The following ZNRF2 variants were observed in gnomAD, a reference collection of about 807,000 sequenced individuals.
The protein encoded by ZNRF2 is E3 ubiquitin-protein ligase ZNRF2.
A neutral mutation model predicts 20.4 loss-of-function variants in ZNRF2; 16 were observed. The ratio of observed to expected loss-of-function variants is 0.79; its 90% confidence interval spans 0.53 to 1.19. The LOEUF (loss-of-function observed/expected upper bound fraction) is 1.19, where lower values mean the gene tolerates loss of function less well. Ranked by LOEUF, ZNRF2 falls within the 50% of genes most tolerant of loss-of-function variation. The probability of loss-of-function intolerance (pLI) is 0.00; values close to 1 mark genes in which losing one functional copy is unlikely to be tolerated. For missense variants in ZNRF2, 363 were observed against 332.4 expected (o/e 1.09, Z -0.72); for synonymous variants, 178 against 144.9 (o/e 1.23, Z -1.64).
At chr7:30,301,240 T>C (rs1196696455) in intron 1 of ZNRF2, among the ~76,000 whole-genome samples, 1 of 152,092 alleles carries the variant, frequency 6.6e-6, no homozygotes, top group African/African-American at 2.4e-5. Flanking sequence ...CCTACCACTT[T>C]GGGAGGCAGA....
At chr7:30,301,699 TTAAAAA>T (rs1331242649) in intron 1 of ZNRF2, among the ~76,000 whole-genome samples, 2 of 126,312 alleles carry the variant, frequency 1.6e-5, no homozygotes, top group East Asian at 2.1e-4. Context: ...GAGGCTTTTT[TTAAAAA>T]AAAAAAAAAA....
chr7:30,318,175 G>A (rs1326975667), intron 1 of ZNRF2, among the ~76,000 whole-genome samples: 3 of 152,148 alleles, frequency 2.0e-5, no homozygotes, highest in East Asian at 3.8e-4. Flanking sequence ...CGATGACATA[G>A]GAGGGAGGTT....
intron 1 of ZNRF2, among the ~76,000 whole-genome samples, chr7:30,304,259 T>C (rs944295830): frequency 2.0e-5 from 3 of 152,156 alleles, no homozygotes; most frequent in African/African-American, 7.2e-5. Context: ...TGCTGGATTT[T>C]GAGTTGTTTT....
intron 1 of ZNRF2, among the ~76,000 whole-genome samples, chr7:30,313,411 T>C (rs1799320157): frequency 6.6e-6 from 1 of 152,190 alleles, no homozygotes; most frequent in Non-Finnish European, 1.5e-5. Context: ...GTGGGCATTA[T>C]ACATGTGAGA....
At chr7:30,359,433 G>A (rs1167796207) in intron 3 of ZNRF2, among the ~76,000 whole-genome samples, 1 of 152,206 alleles carries the variant, frequency 6.6e-6, no homozygotes, top group African/African-American at 2.4e-5. Context: ...CTGTAATGCA[G>A]TGAACTCATT....
At chr7:30,323,377 T>C (rs900835471) in intron 1 of ZNRF2, among the ~76,000 whole-genome samples, 1 of 152,188 alleles carries the variant, frequency 6.6e-6, no homozygotes, top group Non-Finnish European at 1.5e-5. Flanking sequence ...GACCAGTACA[T>C]CAGAGAGAGA....
At chr7:30,362,899 C>T (rs1263035133) in intron 4 of ZNRF2, among the ~76,000 whole-genome samples, 2 of 152,052 alleles carry the variant, frequency 1.3e-5, no homozygotes, top group Non-Finnish European at 2.9e-5. Context: ...GGGCGGGTCA[C>T]GAGGTCAGGA....
At chr7:30,300,253 A>G (rs138469266) in intron 1 of ZNRF2, among the ~76,000 whole-genome samples, 231 of 151,310 alleles carry the variant, frequency 1.5e-3, no homozygotes, top group African/African-American at 5.1e-3. Context: ...GGTTCAAGCA[A>G]TTCTTTTGCC....
chr7:30,317,598 A>G (rs1799397580), intron 1 of ZNRF2, among the ~76,000 whole-genome samples: 1 of 151,956 alleles, frequency 6.6e-6, no homozygotes. Context: ...ATAGTGGGAA[A>G]TAGTGGGAAA....
intron 3 of ZNRF2, among the ~76,000 whole-genome samples, chr7:30,356,246 C>G (rs1800036175): frequency 6.6e-6 from 1 of 151,260 alleles, no homozygotes; most frequent in Admixed American, 6.6e-5. Context: ...CTCATATGGT[C>G]TTCTTGCTTT....
chr7:30,286,046 C>T (rs902708312), intron 1 of ZNRF2, among the ~76,000 whole-genome samples: 1 of 152,232 alleles, frequency 6.6e-6, no homozygotes, highest in African/African-American at 2.4e-5. Context: ...TTTAAACATC[C>T]TGAGCACCCT....
chr7:30,325,678 A>AGCCACC (rs948812015), intron 2 of ZNRF2, among the ~76,000 whole-genome samples: 22 of 152,172 alleles, frequency 1.4e-4, no homozygotes, highest in Middle Eastern at 3.2e-3. Flanking sequence ...GTGGTGCTTC[A>AGCCACC]GCCACCCTAT....
chr7:30,311,566 C>CT (rs1799293029), intron 1 of ZNRF2, among the ~76,000 whole-genome samples: 1 of 152,270 alleles, frequency 6.6e-6, no homozygotes, highest in African/African-American at 2.4e-5. Flanking sequence ...TTTTGTCAGA[C>CT]TAACTGCAGA....
Position 30,285,539 on chromosome 7 carries a change from C to A in ZNRF2, c.182C>A (p.Ala61Asp). The change falls in exon 1 of 5, where the codon GCC becomes GAC. Residue 61 changes from alanine (A) to aspartate (D), a missense_variant. Around this residue, in one of 2 missense-constraint regions of ZNRF2, gnomAD observed 302 missense variants for 231.5 expected, o/e 1.30. Transcript: ENST00000323037. The stretch of plus-strand genomic sequence containing the variant: ...GTGCCCAGCGCGCACCAGCCCAGCG[C>A]CTCCGGCGGCGCCGCGGCGGCCGCG... ...AQVPSAHQPS[A>D]SGGAAAAAAA... 2.0e-6 allele frequency: 2 copies of A among 981,846 alleles called. No homozygotes were observed. Among genetic ancestry groups the A allele is most frequent in the Non-Finnish European group, 2.4e-6 (2 of 829,692 alleles). The allele number at this position is 981,846 out of a possible 1,614,324, so 60.8% of individuals were successfully genotyped here. A position where few individuals can be genotyped will look rare whatever the true frequency, so the allele number is the denominator to read the frequency against.
chr7:30,301,566 G>T (rs1799114611), intron 1 of ZNRF2, among the ~76,000 whole-genome samples: 1 of 151,992 alleles, frequency 6.6e-6, no homozygotes, highest in Admixed American at 6.5e-5. Flanking sequence ...ATTCACTTTT[G>T]ATACATTAAA....
chr7:30,348,650 C>T (rs957865530), intron 2 of ZNRF2, among the ~76,000 whole-genome samples: 1 of 152,166 alleles, frequency 6.6e-6, no homozygotes. Context: ...GCATTCTACT[C>T]GTAAAAGCAG....
chr7:30,344,712 T>A (rs1269761710), intron 2 of ZNRF2, among the ~76,000 whole-genome samples: 2 of 152,228 alleles, frequency 1.3e-5, no homozygotes, highest in Non-Finnish European at 2.9e-5. Flanking sequence ...TTTTTTCAGA[T>A]GTCTCTTGGC....
In ZNRF2 at chr7:30,367,101, T is replaced by C. The variant is rs2127959513; in HGVS notation, c.*1089T>C. On this transcript the variant is annotated 3_prime_UTR_variant, in exon 5 of 5. Coordinates refer to ENST00000323037, the MANE Select transcript of ZNRF2 (RefSeq NM_147128.4). ...ATTGGGATGCCAGGTTTATAGCAATTTGCAACTTTAATTTTCCAGATAATC... is the reference window on the plus strand; with the variant it reads ...ATTGGGATGCCAGGTTTATAGCAATCTGCAACTTTAATTTTCCAGATAATC... The C allele has an allele frequency of 6.6e-6, 1 of 152,660 alleles. No individual in the cohort carries two copies. Among genetic ancestry groups the C allele is most frequent in the East Asian group, 1.9e-4 (1 of 5,194 alleles). 9.5% of individuals were successfully genotyped at this position (152,660 alleles called of 1,614,324 possible). A position where few individuals can be genotyped will look rare whatever the true frequency, so the allele number is the denominator to read the frequency against.
chr7:30,293,039 G>A (rs1798939630), intron 1 of ZNRF2, among the ~76,000 whole-genome samples: 1 of 152,166 alleles, frequency 6.6e-6, no homozygotes, highest in Non-Finnish European at 1.5e-5. Flanking sequence ...CTTGGACTGG[G>A]TGGCAGTGCT....
Sources: gnomAD v4.1 joint callset for allele counts (sites outside exome capture counted in the v4.1 genomes callset) on GRCh38, gnomAD v4.1.1 for gene constraint, gnomAD v4.1.1 regional missense constraint, MANE v1.5 for transcripts, NCBI Gene and HGNC (gene_info 2026-07-23, HGNC 2026-07-21) for gene names.